PTBP1: variants seen among roughly 807,000 people sequenced by gnomAD.
PTBP1 encodes the protein polypyrimidine tract binding protein 1, also known as polypyrimidine tract-binding protein 1.
A neutral mutation model predicts 59.8 loss-of-function variants in PTBP1; 8 were observed. The ratio of observed to expected loss-of-function variants is 0.13; its 90% confidence interval spans 0.08 to 0.24. The LOEUF (loss-of-function observed/expected upper bound fraction) is 0.24. Ranked by LOEUF, PTBP1 falls within the 10% of genes least tolerant of loss-of-function variation. The pLI, the probability that PTBP1 is intolerant of heterozygous loss-of-function variation, is 1.00. For missense variants in PTBP1, 686 were observed against 767.0 expected (o/e 0.89, Z 1.25); for synonymous variants, 490 against 320.7 (o/e 1.53, Z -5.64).
intron 2 of PTBP1, among the ~76,000 whole-genome samples, chr19:802,185 C>T (rs989117505): frequency 6.6e-6 from 1 of 152,204 alleles, no homozygotes; most frequent in Non-Finnish European, 1.5e-5. Context: ...CCCCATCCTC[C>T]TTGAGCAGGT....
At position 812,027 on chromosome 19, in the gene PTBP1, A is replaced by AT. The variant is rs1237437531; in HGVS notation, c.*1207dup. On this transcript the variant is annotated 3_prime_UTR_variant, in exon 15 of 15. Transcript: ENST00000356948. ...TGTAACAAGGGTGTAAATATTTATA[A>AT]TTTTTTATACCTGTTGTGAGACCCG... 1 of 152,168 alleles carries AT rather than the reference A, an allele frequency of 6.6e-6. No homozygotes were observed. The highest frequency in any genetic ancestry group is 1.5e-5 in the Non-Finnish European group (1 of 68,012). 9.4% of individuals were successfully genotyped at this position (152,168 alleles called of 1,614,324 possible).
Position 808,751 on chromosome 19 carries a change from C to G in PTBP1, c.1452C>G (p.Leu484=). The change falls in exon 13 of 15, where the codon CTC becomes CTG. Residue 484 remains leucine (L), a synonymous_variant. Coordinates refer to ENST00000356948, the MANE Select transcript of PTBP1 (RefSeq NM_002819.5). The surrounding 1 kb of genome is among the most constrained non-coding windows in gnomAD (Gnocchi z 4.7). ...NIFPPSATLH[L]SNIPPSVSEE... is the part of the protein sequence containing the mutation. The stretch of plus-strand genomic sequence containing the variant: ...TCCCGCCCTCGGCCACGCTGCACCT[C>G]TCCAACATCCCGTGAGTGCTGGGCC... The G allele has an allele frequency of 6.2e-7, 1 of 1,611,654 alleles. No homozygotes were observed. Among genetic ancestry groups the G allele is most frequent in the Non-Finnish European group, 8.5e-7 (1 of 1,179,338 alleles).
Position 806,563 on chromosome 19 carries a change from G to C in PTBP1, c.1119+7G>C. ...CAGCAACCTCAACCCAGAGGTACGT[G>C]GGCTTTTCCTCCGCGCCGCCGTTCC... On this transcript the variant is annotated splice_region_variant and intron_variant, in intron 10 of 14. Transcript: ENST00000356948. The C allele has an allele frequency of 6.7e-7, 1 of 1,493,740 alleles. No homozygotes were observed. The highest frequency in any genetic ancestry group is 8.9e-7 in the Non-Finnish European group (1 of 1,121,878). 92.5% of individuals were successfully genotyped at this position (1,493,740 alleles called of 1,614,324 possible). A position where few individuals can be genotyped will look rare whatever the true frequency, so the allele number is the denominator to read the frequency against.
At chr19:803,312 C>T (rs571956671) in intron 2 of PTBP1, among the ~76,000 whole-genome samples, 1 of 152,352 alleles carries the variant, frequency 6.6e-6, no homozygotes, top group East Asian at 1.9e-4. Context: ...CAGCCCCACA[C>T]TGGCTGAGTA....
intron 10 of PTBP1, 80 bp downstream of exon 10, chr19:806,636 A>C: frequency 1.5e-6 from 2 of 1,356,142 alleles, no homozygotes; most frequent in Non-Finnish European, 1.9e-6. Context: ...CGGGTCCCGG[A>C]GCAGCGCCGC....
chr19:804,298 A>G lies in PTBP1; in HGVS notation c.295A>G (p.Ile99Val), dbSNP rs148060470. 55 of 1,613,720 alleles carry G rather than the reference A, an allele frequency of 3.4e-5. No individual in the cohort carries two copies. The highest frequency in any genetic ancestry group is 1.5e-4 in the African/African-American group (11 of 74,934). ...LMLKGKNQAF[I>V]EMNTEEAANT... is the part of the protein sequence containing the mutation. Reference sequence around the variant, plus strand: ...CTCACTGCCTCCCCAACAGGCCTTCATCGAGATGAACACGGAGGAGGCTGC... The same window carrying G: ...CTCACTGCCTCCCCAACAGGCCTTCGTCGAGATGAACACGGAGGAGGCTGC... Residue 99 changes from isoleucine to valine, a missense_variant, in exon 5 of 15, where the codon ATC becomes GTC. Coordinates refer to ENST00000356948, the MANE Select transcript of PTBP1 (RefSeq NM_002819.5).
At chr19:800,195 C>T (rs1312311955) in intron 2 of PTBP1, among the ~76,000 whole-genome samples, 1 of 151,476 alleles carries the variant, frequency 6.6e-6, no homozygotes, top group East Asian at 1.9e-4. Flanking sequence ...TGGCCTCCCA[C>T]AGTGCTGGGA....
intron 13 of PTBP1, among the ~76,000 whole-genome samples, chr19:809,531 A>G (rs1310000301): frequency 6.6e-6 from 1 of 151,980 alleles, no homozygotes; most frequent in Non-Finnish European, 1.5e-5. Flanking sequence ...TGTGTTAGCC[A>G]GGATGGTGTC....
chr19:799,494 G>A lies in PTBP1; in HGVS notation c.39+51G>A, dbSNP rs139890208. The stretch of plus-strand genomic sequence containing the variant: ...CGTGACGCTCCTCTGACCTTGTGCC[G>A]ACCCCGGGGGCCACCCCCCAGCGCT... On this transcript the variant is annotated intron_variant, in intron 2 of 14. Coordinates refer to ENST00000356948, the MANE Select transcript of PTBP1 (RefSeq NM_002819.5). 3.1e-4 allele frequency: 494 copies of A among 1,588,732 alleles called. 1 individual carries two copies. The African/African-American group carries it at 5.6e-3, about 18-fold the overall frequency.
chr19:802,017 T>A (rs1005125586), intron 2 of PTBP1, among the ~76,000 whole-genome samples: 6 of 152,142 alleles, frequency 3.9e-5, no homozygotes, highest in African/African-American at 1.4e-4. Context: ...ACAGGTGCCA[T>A]TTGGGTGGGC....
Position 811,040 on chromosome 19 carries a change from CG to C in PTBP1, c.*217del, listed in dbSNP as rs1328537227. 2 of 489,590 alleles carry C rather than the reference CG, an allele frequency of 4.1e-6. No homozygotes were observed. The highest frequency in any genetic ancestry group is 7.7e-5 in the South Asian group (2 of 26,118). 30.3% of individuals were successfully genotyped at this position (489,590 alleles called of 1,614,324 possible). On this transcript the variant is annotated 3_prime_UTR_variant, in exon 15 of 15. Coordinates refer to ENST00000356948, the MANE Select transcript of PTBP1 (RefSeq NM_002819.5). ...CTCAGGCTCTTGGTGACTGTGGCAG[CG>C]GGAGTTCCCGGCCCTCCACACCCGG...
At chr19:801,844 G>A (rs772645713) in intron 2 of PTBP1, among the ~76,000 whole-genome samples, 1 of 152,104 alleles carries the variant, frequency 6.6e-6, no homozygotes, top group Non-Finnish European at 1.5e-5. Context: ...CCCTGGGCCT[G>A]CGCAGCCCCG....
rs956748526 is a variant in PTBP1 at position 798,216 on chromosome 19, C to T, written c.8+711C>T. On this transcript the variant is annotated intron_variant, in intron 1 of 14. Coordinates refer to ENST00000356948, the MANE Select transcript of PTBP1 (RefSeq NM_002819.5). Reference sequence around the variant, plus strand: ...GCCGGAGGGGCCTCTCCAGGGACCCCCGCGGGCGCCGTCATGGGGAGGGGC... The same window carrying T: ...GCCGGAGGGGCCTCTCCAGGGACCCTCGCGGGCGCCGTCATGGGGAGGGGC... Among the ~76,000 whole-genome samples, 3 of 152,202 alleles carry T rather than the reference C, an allele frequency of 2.0e-5. No homozygotes were observed. In the East Asian group the frequency reaches 5.8e-4, roughly 30 times the overall value.
intron 13 of PTBP1, among the ~76,000 whole-genome samples, 176 bp from the exon 14 acceptor site, chr19:810,367 G>C (rs555304644): frequency 6.6e-6 from 1 of 152,146 alleles, no homozygotes; most frequent in East Asian, 1.9e-4. Context: ...GCCTGGTTTC[G>C]TTAGAAGCTG....
chr19:798,315 G>C (rs904034474), intron 1 of PTBP1: 1 of 152,042 alleles, frequency 6.6e-6, no homozygotes, highest in African/African-American at 2.4e-5. Flanking sequence ...AGAGGTGGGA[G>C]CCCCCTCCAG....
intron 5 of PTBP1, 30 bp downstream of exon 5, chr19:804,468 C>T: frequency 6.2e-7 from 1 of 1,602,322 alleles, no homozygotes; most frequent in Non-Finnish European, 8.5e-7. Flanking sequence ...ACCCCAGCAG[C>T]CCGGGGACCT....
Position 808,046 on chromosome 19 carries a change from AATTTT to A in PTBP1, c.1153+149_1153+153del. On this transcript the variant is annotated intron_variant, in intron 11 of 14. Coordinates refer to ENST00000356948, the MANE Select transcript of PTBP1 (RefSeq NM_002819.5). This position sits in a 1 kb window ranked among gnomAD's most constrained non-coding sequence, Gnocchi z 4.7. The stretch of plus-strand genomic sequence containing the variant: ...TTTTATGGTTTGCTTTCGGTTTGCG[AATTTT>A]ATTTGGTCCCGTAGATACGTACGCA... 1.3e-6 allele frequency: 1 copy of A among 797,104 alleles called. No homozygotes were observed. The highest frequency in any genetic ancestry group is 1.5e-5 in the South Asian group (1 of 66,234). 49.4% of individuals were successfully genotyped at this position (797,104 alleles called of 1,614,324 possible). A position where few individuals can be genotyped will look rare whatever the true frequency, so the allele number is the denominator to read the frequency against.
chr19:803,597 A>G lies in PTBP1; in HGVS notation c.76A>G (p.Asn26Asp). The G allele has an allele frequency of 1.2e-6, 2 of 1,614,148 alleles. No individual in the cohort carries two copies. Among genetic ancestry groups the G allele is most frequent in the Non-Finnish European group, 1.7e-6 (2 of 1,180,000 alleles). The change falls in exon 3 of 15, where the codon AAC becomes GAC. Residue 26 changes from asparagine (N) to aspartate (D), a missense_variant. Coordinates refer to ENST00000356948, the MANE Select transcript of PTBP1 (RefSeq NM_002819.5). ...CGAGCTTTTCTCTACTTGTGTCACT[A>G]ACGGACCGTTTATCATGAGCAGCAA... ...SDELFSTCVT[N>D]GPFIMSSNSA...
At position 804,451 on chromosome 19, in the gene PTBP1, G is replaced by A. The variant is rs778746170; in HGVS notation, c.435+13G>A. The A allele has an allele frequency of 6.8e-6, 11 of 1,607,810 alleles. No homozygotes were observed. Among genetic ancestry groups the A allele is most frequent in the Non-Finnish European group, 8.5e-6 (10 of 1,179,258 alleles). Reference sequence around the variant, plus strand: ...TCCCAACCAGGCGGTGCGTGGCCCCGCGGCGGACCCCAGCAGCCCGGGGAC... The same window carrying A: ...TCCCAACCAGGCGGTGCGTGGCCCCACGGCGGACCCCAGCAGCCCGGGGAC... On this transcript the variant is annotated intron_variant, in intron 5 of 14. Transcript: ENST00000356948.
Sources: gnomAD v4.1 joint callset for allele counts (sites outside exome capture counted in the v4.1 genomes callset) on GRCh38, gnomAD v4.1.1 for gene constraint, Gnocchi (gnomAD v3.1) non-coding constraint, MANE v1.5 for transcripts, NCBI Gene and HGNC (gene_info 2026-07-23, HGNC 2026-07-21) for gene names.